The following VNN1 variants were observed in gnomAD, a reference collection of about 807,000 sequenced individuals.
VNN1 encodes the protein pantetheinase.
VNN1 carries 29 observed loss-of-function variants against 41.9 expected under a neutral mutation model. The ratio of observed to expected loss-of-function variants is 0.69; its 90% CI spans 0.52 to 0.94. The LOEUF is 0.94. VNN1 is among the 40% of genes least tolerant of loss of function. The pLI is 0.00. For synonymous variants in VNN1, 233 were observed against 224.4 expected, an observed-to-expected ratio of 1.04 and a Z score of -0.34; for missense variants, 637 against 621.1, an observed-to-expected ratio of 1.03 and a Z score of -0.27.
chr6:132,702,473 G>C (rs1778460395), intron 2 of VNN1, among the ~76,000 whole-genome samples: 1 of 152,172 alleles, frequency 6.6e-6, no homozygotes, highest in African/African-American at 2.4e-5. Flanking sequence ...GCAAGTCCTA[G>C]TGCTGTACTG....
At chr6:132,709,389 C>G (rs1317556921) in intron 2 of VNN1, among the ~76,000 whole-genome samples, 1 of 152,172 alleles carries the variant, frequency 6.6e-6, no homozygotes, top group Middle Eastern at 3.4e-3. Flanking sequence ...TAAATTAAGG[C>G]AGCTGGGCGT....
intron 1 of VNN1, 99 bp downstream of exon 1, chr6:132,713,727 C>T (rs769141040): frequency 1.4e-4 from 181 of 1,287,302 alleles, no homozygotes; most frequent in Middle Eastern, 2.8e-4. Flanking sequence ...ATACATATAT[C>T]ATCTAAAAGT....
chr6:132,690,292 C>T (rs1778263727), intron 5 of VNN1, among the ~76,000 whole-genome samples: 1 of 152,194 alleles, frequency 6.6e-6, no homozygotes, highest in Non-Finnish European at 1.5e-5. Context: ...TCCTGCAGGA[C>T]AGGATGTTGC....
At chr6:132,684,671 T>G (rs992396129) in intron 5 of VNN1, among the ~76,000 whole-genome samples, 166 bp from the exon 6 acceptor site, 2 of 152,036 alleles carry the variant, frequency 1.3e-5, no homozygotes, top group African/African-American at 4.8e-5. Flanking sequence ...AGGATAAATT[T>G]TAAAGATAAA....
At chr6:132,712,208 G>C (rs1001264461) in intron 1 of VNN1, among the ~76,000 whole-genome samples, 8 of 149,138 alleles carry the variant, frequency 5.4e-5, no homozygotes, top group Admixed American at 4.0e-4. Context: ...GGAGTGCAAT[G>C]GCTAGATCTC....
rs370221797 is a variant in VNN1 at position 132,689,380 on chromosome 6, A to G, written c.1188+2843T>C. Among the ~76,000 whole-genome samples, 508 of 152,134 alleles carry G rather than the reference A, an allele frequency of 3.3e-3. 3 individuals are homozygous for G. The highest frequency in any genetic ancestry group is 0.012 in the African/African-American group (478 of 41,504). On this transcript the variant is annotated intron_variant, in intron 5 of 6. Coordinates refer to ENST00000367928, the MANE Select transcript of VNN1 (RefSeq NM_004666.3). ...TTGTCTCAGATAAGATTTCTTGGGGAAAAAAGTGCATTCACTTCCCTTTGA... is the reference window on the plus strand; with the variant it reads ...TTGTCTCAGATAAGATTTCTTGGGGGAAAAAGTGCATTCACTTCCCTTTGA...
Position 132,709,143 on chromosome 6 carries a change from A to G in VNN1, c.341+2566T>C, listed in dbSNP as rs1215021289. Among the ~76,000 whole-genome samples, 3 of 152,226 alleles carry G rather than the reference A, an allele frequency of 2.0e-5. No individual in the cohort carries two copies. In the South Asian group the frequency reaches 6.2e-4, roughly 32 times the overall value. ...TCCATAACATTTACTTCCACCTCAT[A>G]TCATAGATAGGTAGACAGATGAAAG... On this transcript the variant is annotated intron_variant, in intron 2 of 6. Transcript: ENST00000367928.
At position 132,693,286 on chromosome 6, in the gene VNN1, G is replaced by T. The variant is rs1238105493; in HGVS notation, c.564C>A (p.Phe188Leu). Residue 188 changes from phenylalanine to leucine, a missense_variant, in exon 4 of 7, where the codon TTC becomes TTA. By Grantham distance (22) the Phe-to-Leu change is conservative. Transcript: ENST00000367928. ...KQNLFMGENQ[F>L]NVPKEPEIVT... is the part of the protein sequence containing the mutation. The stretch of plus-strand genomic sequence containing the variant: ...CAATCTCAGGCTCCTTGGGTACATT[G>T]AATTGATTTTCACCCATGAAAAGGT... 1 of 1,609,166 alleles carries T rather than the reference G, an allele frequency of 6.2e-7. No individual in the cohort carries two copies. The highest frequency in any genetic ancestry group is 8.5e-7 in the Non-Finnish European group (1 of 1,178,230).
Position 132,709,643 on chromosome 6 carries a change from G to A in VNN1, c.341+2066C>T, listed in dbSNP as rs565564090. Among the ~76,000 whole-genome samples, 8 of 143,582 alleles carry A rather than the reference G, an allele frequency of 5.6e-5. No homozygotes were observed. In the South Asian group the frequency reaches 6.8e-4, roughly 12 times the overall value. The allele number at this position is 143,582 out of a possible 152,430, so 94.2% of individuals were successfully genotyped here. A position where few individuals can be genotyped will look rare whatever the true frequency, so the allele number is the denominator to read the frequency against. On this transcript the variant is annotated intron_variant, in intron 2 of 6. Coordinates refer to ENST00000367928, the MANE Select transcript of VNN1 (RefSeq NM_004666.3). ...CACGCCACTGCACTCCAGCTTGGGC[G>A]ACACAGAGTCTCTCTCTCAAAAAAA...
At position 132,694,165 on chromosome 6, in the gene VNN1, A is replaced by C; in HGVS notation, c.359T>G (p.Val120Gly). Residue 120 changes from valine to glycine, a missense_variant, in exon 3 of 7, where the codon GTA becomes GGA. Coordinates refer to ENST00000367928, the MANE Select transcript of VNN1 (RefSeq NM_004666.3). ...NNRNRFGQTP[V>G]QERLSCLAKN... is the part of the protein sequence containing the mutation. ...GGCCAGGCAGCTGAGTCTTTCTTGT[A>C]CTGGGGTCTGGCCAAATCTGATACA... 6.2e-7 allele frequency: 1 copy of C among 1,606,582 alleles called. No individual in the cohort carries two copies. The highest frequency in any genetic ancestry group is 8.5e-7 in the Non-Finnish European group (1 of 1,176,432).
In VNN1 at chr6:132,692,349, A is replaced by C; in HGVS notation, c.1062T>G (p.Tyr354Ter). ...AGCAGAGATCTTTCTGACAAACTGTATAATTTCCTGCAACTCCTGTGAGCT... is the reference window on the plus strand; with the variant it reads ...AGCAGAGATCTTTCTGACAAACTGTCTAATTTCCTGCAACTCCTGTGAGCT... ...FVKLTGVAGN[Y>*]TVCQKDLCCH... The change falls in exon 5 of 7, where the codon TAT (tyrosine) becomes TAG (stop). Residue 354 changes from tyrosine to a stop codon, truncating the protein, a stop_gained. Coordinates refer to ENST00000367928, the MANE Select transcript of VNN1 (RefSeq NM_004666.3). LOFTEE classifies it high-confidence loss of function. 1 of 1,614,226 alleles carries C rather than the reference A, an allele frequency of 6.2e-7. No individual in the cohort carries two copies. Among genetic ancestry groups the C allele is most frequent in the Non-Finnish European group, 8.5e-7 (1 of 1,180,038 alleles).
chr6:132,706,431 G>C (rs552175435), intron 2 of VNN1, among the ~76,000 whole-genome samples: 16 of 152,280 alleles, frequency 1.1e-4, no homozygotes, highest in African/African-American at 3.8e-4. Context: ...AATAAATGGT[G>C]CTGGGAAAAC....
At chr6:132,706,161 A>G (rs1297022441) in intron 2 of VNN1, among the ~76,000 whole-genome samples, 3 of 152,176 alleles carry the variant, frequency 2.0e-5, no homozygotes, top group African/African-American at 7.2e-5. Context: ...AGAAAAAAAA[A>G]TTCTGAAATT....
In VNN1 at chr6:132,681,843, A is replaced by G. The variant is rs1266640765; in HGVS notation, c.*1297T>C. ...CTTTTTAGGAAAAACATCTGCCACA[A>G]AAATGTTTGTCTCAAAATGATGTTT... On this transcript the variant is annotated 3_prime_UTR_variant, in exon 7 of 7. Transcript: ENST00000367928. 6.6e-6 allele frequency: 1 copy of G among 152,654 alleles called. No individual in the cohort carries two copies. Among genetic ancestry groups the G allele is most frequent in the African/African-American group, 2.4e-5 (1 of 41,466 alleles). 9.5% of individuals were successfully genotyped at this position (152,654 alleles called of 1,614,324 possible). A position where few individuals can be genotyped will look rare whatever the true frequency, so the allele number is the denominator to read the frequency against.
At chr6:132,708,348 A>T (rs933658524) in intron 2 of VNN1, among the ~76,000 whole-genome samples, 2 of 152,166 alleles carry the variant, frequency 1.3e-5, no homozygotes, top group Non-Finnish European at 2.9e-5. Context: ...TGTTGTTAGA[A>T]CTAAAGTATC....
At chr6:132,701,136 T>C (rs1243693109) in intron 2 of VNN1, among the ~76,000 whole-genome samples, 2 of 152,238 alleles carry the variant, frequency 1.3e-5, no homozygotes, top group Non-Finnish European at 2.9e-5. Context: ...ACTCTTTATT[T>C]CTAACATTGA....
chr6:132,698,587 C>G (rs995947450), intron 2 of VNN1, among the ~76,000 whole-genome samples: 4 of 152,174 alleles, frequency 2.6e-5, no homozygotes, highest in African/African-American at 9.7e-5. Flanking sequence ...CCTTTTCAGC[C>G]CTTCAGCTCC....
intron 4 of VNN1, 51 bp downstream of exon 4, chr6:132,692,968 TTTTTC>T (rs1778313946): frequency 1.3e-6 from 2 of 1,504,790 alleles, no homozygotes; most frequent in South Asian, 2.8e-5. Flanking sequence ...ACATGTTTTT[TTTTTC>T]TTTTCTTTTC....
chr6:132,692,653 CT>C, intron 4 of VNN1, 69 bp from the exon 5 acceptor site: 1 of 1,484,548 alleles, frequency 6.7e-7, no homozygotes, highest in Non-Finnish European at 8.9e-7. Flanking sequence ...ATTGTTATTA[CT>C]ATTTTAACCT....
Sources: gnomAD v4.1 joint callset for allele counts (sites outside exome capture counted in the v4.1 genomes callset) on GRCh38, gnomAD v4.1.1 for gene constraint, MANE v1.5 for transcripts, NCBI Gene and HGNC (gene_info 2026-07-23, HGNC 2026-07-21) for gene names.